Variants in REC114 observed in about 807,000 individuals in gnomAD.
REC114 encodes the protein meiotic recombination protein REC114.
A neutral mutation model predicts 31.3 loss-of-function variants in REC114; 27 were observed. That is an observed-to-expected ratio of 0.86 (90% CI 0.64 to 1.19). REC114 has a LOEUF of 1.19. Among genes scored for constraint, REC114 ranks in the 50% most tolerant of loss-of-function variants. REC114 has a pLI of 0.00. For synonymous variants in REC114, 134 were observed against 127.7 expected, an observed-to-expected ratio of 1.05 and a Z score of -0.33; for missense variants, 344 against 326.9, an observed-to-expected ratio of 1.05 and a Z score of -0.40.
At position 73,467,579 on chromosome 15, in the gene REC114, A is replaced by G. The variant is rs570092182; in HGVS notation, c.160-6253A>G. ...TTTCTATGTCTTTTTTCTTCTCCAT[A>G]TTATAAGAGGGATCAGTACATAGTG... On this transcript the variant is annotated intron_variant, in intron 1 of 5. Transcript: ENST00000331090. Among the ~76,000 whole-genome samples, 3 of 152,300 alleles carry G rather than the reference A, an allele frequency of 2.0e-5. No homozygotes were observed. In the South Asian group the frequency reaches 6.2e-4, roughly 32 times the overall value.
chr15:73,450,201 TAA>T (rs202206782), intron 1 of REC114, among the ~76,000 whole-genome samples: 3,813 of 151,864 alleles, frequency 0.025, 91 homozygotes, highest in African/African-American at 0.06. Context: ...GCAAATTGGA[TAA>T]AGAGTCAAGA....
intron 2 of REC114, among the ~76,000 whole-genome samples, chr15:73,493,992 C>T (rs1043443760): frequency 2.0e-5 from 3 of 152,160 alleles, no homozygotes; most frequent in Non-Finnish European, 4.4e-5. Flanking sequence ...GTAGCTCTTG[C>T]TCCTCTTGGT....
intron 2 of REC114, among the ~76,000 whole-genome samples, chr15:73,526,733 C>T (rs756754094): frequency 3.9e-5 from 6 of 152,120 alleles, no homozygotes. Flanking sequence ...TTTCTCAAGG[C>T]TACTAGTCAT....
chr15:73,479,393 C>T lies in REC114; in HGVS notation c.249+5472C>T, dbSNP rs112198672. On this transcript the variant is annotated intron_variant, in intron 2 of 5. Coordinates refer to ENST00000331090, the MANE Select transcript of REC114 (RefSeq NM_001042367.2). ...TTGTAAAACAATGACTGTAGTCAAA[C>T]GAATTAACATATCGTTACCTCACAA... Among the ~76,000 whole-genome samples the T allele has an allele frequency of 8.5e-4, 129 of 151,506 alleles. No individual in the cohort carries two copies. The East Asian group carries it at 0.013, about 15-fold the overall frequency.
intron 2 of REC114, among the ~76,000 whole-genome samples, chr15:73,487,868 G>C (rs1206826092): frequency 2.0e-5 from 3 of 151,304 alleles, no homozygotes; most frequent in Non-Finnish European, 4.4e-5. Context: ...CCACCATGTG[G>C]TATTTTTTTT....
intron 5 of REC114, among the ~76,000 whole-genome samples, chr15:73,558,247 A>C (rs542145846): frequency 6.6e-6 from 1 of 152,330 alleles, no homozygotes; most frequent in Admixed American, 6.5e-5. Flanking sequence ...CTGGAGAAAT[A>C]CCAGTTATGT....
At chr15:73,501,863 G>A (rs1457676041) in intron 2 of REC114, among the ~76,000 whole-genome samples, 1 of 152,188 alleles carries the variant, frequency 6.6e-6, no homozygotes, top group African/African-American at 2.4e-5. Context: ...AGGATGCAAC[G>A]ATCAGAACAG....
intron 1 of REC114, 34 bp from the exon 2 acceptor site, chr15:73,473,798 T>C: frequency 1.6e-6 from 2 of 1,213,440 alleles, no homozygotes; most frequent in Non-Finnish European, 2.4e-6. Flanking sequence ...AAATGTATTA[T>C]CTTTTACATA....
chr15:73,539,714 C>T (rs1894213971), intron 2 of REC114, among the ~76,000 whole-genome samples: 1 of 151,898 alleles, frequency 6.6e-6, no homozygotes, highest in Non-Finnish European at 1.5e-5. Context: ...AGTTTCCATG[C>T]AATTTTTGCA....
intron 2 of REC114, among the ~76,000 whole-genome samples, chr15:73,477,591 T>A (rs1029920562): frequency 6.6e-6 from 1 of 152,114 alleles, no homozygotes; most frequent in African/African-American, 2.4e-5. Context: ...TAATTTGTTA[T>A]AGTTTTTGTA....
intron 2 of REC114, among the ~76,000 whole-genome samples, chr15:73,503,104 T>C (rs774753987): frequency 6.6e-6 from 1 of 152,228 alleles, no homozygotes; most frequent in Admixed American, 6.5e-5. Context: ...GCAAAAAATT[T>C]AGCAATATTT....
At chr15:73,529,696 G>A (rs1894051305) in intron 2 of REC114, among the ~76,000 whole-genome samples, 1 of 152,146 alleles carries the variant, frequency 6.6e-6, no homozygotes, top group South Asian at 2.1e-4. Flanking sequence ...TAAAAAATCA[G>A]TTCAAAGGCC....
At chr15:73,540,637 G>A in intron 3 of REC114, 69 bp downstream of exon 3, 2 of 1,319,894 alleles carry the variant, frequency 1.5e-6, no homozygotes, top group East Asian at 2.3e-5. Context: ...GTATTTGGGG[G>A]CATCTCTTGG....
chr15:73,541,758 C>G (rs1595881482), intron 3 of REC114, among the ~76,000 whole-genome samples: 1 of 149,008 alleles, frequency 6.7e-6, no homozygotes. Flanking sequence ...CCATATCATA[C>G]TGAATGAATG....
chr15:73,473,889 C>A lies in REC114; in HGVS notation c.217C>A (p.His73Asn), dbSNP rs1328677332. ...TGTTCTCACCATAGTTATATCAGGTCATTTCTTCATTTTCCAAGGACAGAC... is the reference window on the plus strand; with the variant it reads ...TGTTCTCACCATAGTTATATCAGGTAATTTCTTCATTTTCCAAGGACAGAC... ...YLVLTIVISG[H>N]FFIFQGQTLL... Residue 73 changes from histidine (H) to asparagine (N), a missense_variant, in exon 2 of 6, where the codon CAT becomes AAT. By Grantham distance (68) the His-to-Asn change is moderately conservative. Coordinates refer to ENST00000331090, the MANE Select transcript of REC114 (RefSeq NM_001042367.2). The A allele has an allele frequency of 1.9e-6, 3 of 1,585,474 alleles. No homozygotes were observed. Among genetic ancestry groups the A allele is most frequent in the African/African-American group, 1.3e-5 (1 of 74,796 alleles).
Position 73,485,409 on chromosome 15 carries a change from C to A in REC114, c.249+11488C>A, listed in dbSNP as rs1893351866. Among the ~76,000 whole-genome samples the A allele has an allele frequency of 5.9e-5, 9 of 152,160 alleles. No homozygotes were observed. In the South Asian group the frequency reaches 1.7e-3, roughly 28 times the overall value. The stretch of plus-strand genomic sequence containing the variant: ...CTGTTTAAATCAGAACCTGTCTATT[C>A]TTTGGCCACTGATATGGTTTGGATC... On this transcript the variant is annotated intron_variant, in intron 2 of 5. Coordinates refer to ENST00000331090, the MANE Select transcript of REC114 (RefSeq NM_001042367.2).
intron 1 of REC114, among the ~76,000 whole-genome samples, chr15:73,467,498 A>C (rs569413434): frequency 6.6e-6 from 1 of 152,312 alleles, no homozygotes; most frequent in Admixed American, 6.5e-5. Context: ...TTGTTCAGTG[A>C]TACTGCAATC....
intron 2 of REC114, among the ~76,000 whole-genome samples, chr15:73,517,948 A>C (rs1263687825): frequency 6.6e-6 from 1 of 152,200 alleles, no homozygotes; most frequent in Non-Finnish European, 1.5e-5. Context: ...TAGGAGGAAA[A>C]CTAGGAAAGG....
intron 2 of REC114, among the ~76,000 whole-genome samples, chr15:73,525,459 C>G (rs1429348977): frequency 6.6e-6 from 1 of 151,474 alleles, no homozygotes; most frequent in Non-Finnish European, 1.5e-5. Context: ...TGCTTTTTTT[C>G]TAAGTATTTA....
Sources: gnomAD v4.1 joint callset for allele counts (sites outside exome capture counted in the v4.1 genomes callset) on GRCh38, gnomAD v4.1.1 for gene constraint, MANE v1.5 for transcripts, NCBI Gene and HGNC (gene_info 2026-07-23, HGNC 2026-07-21) for gene names.